The following IL6R variants were observed in gnomAD, a reference collection of about 807,000 sequenced individuals.
IL6R encodes the protein interleukin-6 receptor subunit alpha.
A neutral mutation model predicts 48.3 loss-of-function variants in IL6R; 38 were observed. That is an observed-to-expected ratio of 0.79 (90% CI 0.61 to 1.03). The LOEUF is 1.03. Among genes scored for constraint, IL6R ranks in the 50% least tolerant of loss-of-function variants. The probability of loss-of-function intolerance (pLI) is 0.00; values close to 1 mark genes in which losing one functional copy is unlikely to be tolerated. For synonymous variants in IL6R, 264 were observed against 256.2 expected, an observed-to-expected ratio of 1.03 and a Z score of -0.29; for missense variants, 534 against 618.3, an observed-to-expected ratio of 0.86 and a Z score of 1.45.
In IL6R at chr1:154,405,802, G is replaced by A. The variant is rs1197423268; in HGVS notation, c.85+88G>A. ...TCACCGCAGTCTGTGGGAGGCTGGAGGGAGGAAAGGAGGTGCGACGGATCC... is the reference window on the plus strand; with the variant it reads ...TCACCGCAGTCTGTGGGAGGCTGGAAGGAGGAAAGGAGGTGCGACGGATCC... On this transcript the variant is annotated intron_variant, in intron 1 of 9. Transcript: ENST00000368485. This position sits in a 1 kb window ranked among gnomAD's most constrained non-coding sequence, Gnocchi z 5.2. 2.0e-6 allele frequency: 2 copies of A among 997,188 alleles called. No individual in the cohort carries two copies. Among genetic ancestry groups the A allele is most frequent in the African/African-American group, 3.5e-5 (2 of 57,864 alleles). The allele number at this position is 997,188 out of a possible 1,614,324, so 61.8% of individuals were successfully genotyped here. A position where few individuals can be genotyped will look rare whatever the true frequency, so the allele number is the denominator to read the frequency against.
At chr1:154,406,202 A>T (rs772784426) in intron 1 of IL6R, among the ~76,000 whole-genome samples, 9 of 152,114 alleles carry the variant, frequency 5.9e-5, no homozygotes, top group Non-Finnish European at 7.4e-5. Context: ...CCGCGGGTGC[A>T]TGTGTGGATG....
intron 9 of IL6R, among the ~76,000 whole-genome samples, chr1:154,464,453 C>G (rs1373466340): frequency 6.6e-6 from 1 of 152,142 alleles, no homozygotes; most frequent in African/African-American, 2.4e-5. Flanking sequence ...CTGCGCCCAG[C>G]CTATTTTTCT....
chr1:154,455,174 G>A (rs1690800888), intron 9 of IL6R, among the ~76,000 whole-genome samples: 2 of 152,126 alleles, frequency 1.3e-5, no homozygotes, highest in African/African-American at 2.4e-5. Flanking sequence ...GCCTCCCAAT[G>A]TGTTGGGATT....
chr1:154,410,336 C>G (rs558467775), intron 1 of IL6R, among the ~76,000 whole-genome samples: 1 of 152,038 alleles, frequency 6.6e-6, no homozygotes, highest in African/African-American at 2.4e-5. Context: ...ACTGCAGCCT[C>G]GACTTCCTGG....
chr1:154,425,782 G>GA lies in IL6R; in HGVS notation c.86-3401dup, dbSNP rs112621723. Among the ~76,000 whole-genome samples, 541 of 106,330 alleles carry GA rather than the reference G, an allele frequency of 5.1e-3. 3 individuals carry two copies. Among genetic ancestry groups the GA allele is most frequent in the Middle Eastern group, 0.024 (4 of 166 alleles). The allele number at this position is 106,330 out of a possible 152,430, so 69.8% of individuals were successfully genotyped here. On this transcript the variant is annotated intron_variant, in intron 1 of 9. Transcript: ENST00000368485. ...GAGTGAGACCCTGTCCCAAGAAAAAGAAAAAAAAAAAAAGCAGCCGGGCAC... is the reference window on the plus strand; with the variant it reads ...GAGTGAGACCCTGTCCCAAGAAAAAGAAAAAAAAAAAAAAGCAGCCGGGCAC...
At chr1:154,445,499 T>C (rs1399012934) in intron 6 of IL6R, among the ~76,000 whole-genome samples, 4 of 152,104 alleles carry the variant, frequency 2.6e-5, no homozygotes, top group Non-Finnish European at 4.4e-5. Context: ...ACCTGTAATC[T>C]CAGTACTTTG....
intron 8 of IL6R, among the ~76,000 whole-genome samples, chr1:154,453,939 A>G (rs1690730008): frequency 6.6e-6 from 1 of 152,214 alleles, no homozygotes; most frequent in South Asian, 2.1e-4. Flanking sequence ...TTGTTGGAGA[A>G]CTGAATGAAG....
rs200802336 is a variant in IL6R at position 154,414,952 on chromosome 1, C to T, written c.85+9238C>T. 3.1e-6 allele frequency: 4 copies of T among 1,284,166 alleles called. No homozygotes were observed. The East Asian group carries it at 7.5e-5, about 24-fold the overall frequency. The allele number at this position is 1,284,166 out of a possible 1,614,324, so 79.5% of individuals were successfully genotyped here. A position where few individuals can be genotyped will look rare whatever the true frequency, so the allele number is the denominator to read the frequency against. ...GGAGGGGATGTCCTCGCATAGGATG[C>T]TCCACTGGCCCCGATCTTCAGTATG... On this transcript the variant is annotated intron_variant, in intron 1 of 9. Transcript: ENST00000368485.
chr1:154,427,437 C>T (rs1361424257), intron 1 of IL6R, among the ~76,000 whole-genome samples: 2 of 152,178 alleles, frequency 1.3e-5, no homozygotes, highest in Non-Finnish European at 2.9e-5. Flanking sequence ...TGCCCAAACT[C>T]GCCTGGCTGC....
At chr1:154,437,054 C>T (rs938689737) in intron 6 of IL6R, among the ~76,000 whole-genome samples, 2 of 152,078 alleles carry the variant, frequency 1.3e-5, no homozygotes, top group African/African-American at 4.8e-5. Flanking sequence ...CTGATTAATA[C>T]ATATATTTTA....
chr1:154,415,624 C>T (rs1439494105), intron 1 of IL6R, among the ~76,000 whole-genome samples: 1 of 152,138 alleles, frequency 6.6e-6, no homozygotes, highest in Non-Finnish European at 1.5e-5. Context: ...TTAGAAACTG[C>T]CTGTATGTGT....
chr1:154,423,281 A>ATATATATATATATATATATATATG (rs1688789339), intron 1 of IL6R, among the ~76,000 whole-genome samples: 6 of 141,882 alleles, frequency 4.2e-5, no homozygotes, highest in Non-Finnish European at 7.7e-5. Context: ...ATATATATAT[A>ATATATATATATATATATATATATG]TATGTATTCA....
Position 154,467,907 on chromosome 1 carries a change from A to G in IL6R, c.*2527A>G, listed in dbSNP as rs1691630377. The G allele has an allele frequency of 6.6e-6, 1 of 152,180 alleles. No homozygotes were observed. Among genetic ancestry groups the G allele is most frequent in the South Asian group, 2.1e-4 (1 of 4,836 alleles). 9.4% of individuals were successfully genotyped at this position (152,180 alleles called of 1,614,324 possible). On this transcript the variant is annotated 3_prime_UTR_variant, in exon 10 of 10. Coordinates refer to ENST00000368485, the MANE Select transcript of IL6R (RefSeq NM_000565.4). Reference sequence around the variant, plus strand: ...GTGATTCTGTGCCCACAGTTCTTCAATTCTTTATACCGTTTTACCCACATG... The same window carrying G: ...GTGATTCTGTGCCCACAGTTCTTCAGTTCTTTATACCGTTTTACCCACATG...
chr1:154,442,160 T>C (rs1689972262), intron 6 of IL6R, among the ~76,000 whole-genome samples: 1 of 151,936 alleles, frequency 6.6e-6, no homozygotes, highest in Non-Finnish European at 1.5e-5. Context: ...GTGGTTTTAG[T>C]ATGTGCTTGA....
intron 6 of IL6R, among the ~76,000 whole-genome samples, chr1:154,436,398 A>G (rs538076631): frequency 6.6e-6 from 1 of 152,330 alleles, no homozygotes; most frequent in Admixed American, 6.5e-5. Flanking sequence ...GAATCTCTTG[A>G]ACCCAGGAGG....
At chr1:154,418,381 C>G in intron 1 of IL6R, 1 of 984,288 alleles carries the variant, frequency 1.0e-6, no homozygotes, top group South Asian at 4.7e-5. Flanking sequence ...CCCAGACCCT[C>G]TCTCCAGCAG....
intron 6 of IL6R, among the ~76,000 whole-genome samples, chr1:154,436,549 A>G (rs1379378883): frequency 6.6e-6 from 1 of 152,198 alleles, no homozygotes; most frequent in African/African-American, 2.4e-5. Flanking sequence ...ACAGTCAGTT[A>G]GGCAGCTCTT....
chr1:154,422,815 A>G (rs538211733), intron 1 of IL6R, among the ~76,000 whole-genome samples: 3 of 152,320 alleles, frequency 2.0e-5, no homozygotes, highest in East Asian at 1.9e-4. Flanking sequence ...ATGACTGGGC[A>G]TATCTCCCAG....
chr1:154,436,976 TTA>T (rs759470958), intron 6 of IL6R, among the ~76,000 whole-genome samples: 16 of 152,226 alleles, frequency 1.1e-4, no homozygotes, highest in Non-Finnish European at 2.1e-4. Context: ...GTGTGTGTAT[TTA>T]TATATATAAA....
Sources: gnomAD v4.1 joint callset for allele counts (sites outside exome capture counted in the v4.1 genomes callset) on GRCh38, gnomAD v4.1.1 for gene constraint, Gnocchi (gnomAD v3.1) non-coding constraint, MANE v1.5 for transcripts, NCBI Gene and HGNC (gene_info 2026-07-23, HGNC 2026-07-21) for gene names.